STK33: variants seen among roughly 807,000 people sequenced by gnomAD.
STK33 encodes serine/threonine-protein kinase 33.
STK33 carries 52 observed loss-of-function variants against 58.0 expected under a neutral mutation model. The observed-to-expected ratio is 0.90, with a 90% CI of 0.72 to 1.13. The LOEUF is 1.13. Ranked by LOEUF, STK33 falls within the 50% of genes most tolerant of loss-of-function variation. STK33 has a pLI of 0.00. For missense variants in STK33, 630 were observed against 604.2 expected (o/e 1.04, Z -0.45); for synonymous variants, 215 against 200.1 (o/e 1.07, Z -0.63).
chr11:8,418,491 T>C (rs762587025), intron 14 of STK33, among the ~76,000 whole-genome samples: 3 of 152,226 alleles, frequency 2.0e-5, no homozygotes, highest in Non-Finnish European at 4.4e-5. Flanking sequence ...CTGTCATTTA[T>C]AGGCATTTAG....
rs552972149 is a variant in STK33, at chr11:8,490,095, G to A, written c.-465-9481C>T. On this transcript the variant is annotated intron_variant, in intron 1 of 15. Transcript: ENST00000687296. ...ACAGTGGGTGCAGCCCATGGAGGGC[G>A]AGCCGAAGCAGGGCGAGGCGTTGCC... 2.8e-4 allele frequency among the ~76,000 whole-genome samples: 43 copies of A among 152,338 alleles called. No individual in the cohort carries two copies. The South Asian group carries it at 3.1e-3, about 11-fold the overall frequency.
At chr11:8,395,624 A>G (rs1247046645) in intron 15 of STK33, among the ~76,000 whole-genome samples, 1 of 152,218 alleles carries the variant, frequency 6.6e-6, no homozygotes, top group Non-Finnish European at 1.5e-5. Flanking sequence ...TTCCATGTCA[A>G]TTCATAGAAA....
the STK33 span, among the ~76,000 whole-genome samples, chr11:8,339,338 CTTAAT>C: frequency 6.6e-6 from 1 of 152,188 alleles, no homozygotes; most frequent in South Asian, 2.1e-4. Context: ...GAAGGCGGTC[CTTAAT>C]AAACACCTTG....
intron 11 of STK33, 140 bp downstream of exon 11, chr11:8,452,682 A>C: frequency 1.5e-6 from 1 of 673,480 alleles, no homozygotes; most frequent in South Asian, 1.9e-5. Flanking sequence ...TAGCTACTTG[A>C]GAGGCTGAGG....
chr11:8,384,017 T>C, the STK33 span, among the ~76,000 whole-genome samples: 1 of 152,210 alleles, frequency 6.6e-6, no homozygotes, highest in Non-Finnish European at 1.5e-5. Flanking sequence ...GATAGAGATC[T>C]CAAACTTCAT....
the STK33 span, among the ~76,000 whole-genome samples, chr11:8,347,495 TC>T: frequency 6.6e-6 from 1 of 152,322 alleles, no homozygotes; most frequent in East Asian, 1.9e-4. Context: ...TGGGCTCTGT[TC>T]CCTATCAACA....
the STK33 span, among the ~76,000 whole-genome samples, chr11:8,351,208 C>T: frequency 4.6e-5 from 7 of 152,316 alleles, no homozygotes; most frequent in Admixed American, 4.6e-4. Context: ...TCTACTAAAT[C>T]CAGCTGGAAG....
chr11:8,394,888 T>C (rs989386225), intron 15 of STK33, among the ~76,000 whole-genome samples: 9 of 152,198 alleles, frequency 5.9e-5, no homozygotes, highest in Admixed American at 3.9e-4. Flanking sequence ...GTTATTTATT[T>C]CTTAAATAGA....
intron 14 of STK33, among the ~76,000 whole-genome samples, chr11:8,433,620 C>T (rs560470218): frequency 3.9e-5 from 6 of 152,258 alleles, no homozygotes; most frequent in South Asian, 2.1e-4. Flanking sequence ...ATTCACCATC[C>T]GTGTCCCAGA....
chr11:8,479,247 T>C (rs1198563198), intron 2 of STK33, among the ~76,000 whole-genome samples: 2 of 151,936 alleles, frequency 1.3e-5, no homozygotes, highest in East Asian at 1.9e-4. Flanking sequence ...CCTGGGGTTT[T>C]AGTAGAGAAA....
intron 11 of STK33, 124 bp downstream of exon 11, chr11:8,452,698 G>A: frequency 9.5e-6 from 7 of 739,456 alleles, no homozygotes; most frequent in Admixed American, 2.1e-5. Context: ...TGAGGTGGGG[G>A]GATGGCTTGA....
the STK33 span, among the ~76,000 whole-genome samples, chr11:8,370,521 C>A: frequency 1.3e-5 from 2 of 152,160 alleles, no homozygotes; most frequent in African/African-American, 4.8e-5. Context: ...TTCTCCAACT[C>A]CCTGGTGCTT....
chr11:8,373,282 C>T, the STK33 span, among the ~76,000 whole-genome samples: 1 of 152,176 alleles, frequency 6.6e-6, no homozygotes, highest in African/African-American at 2.4e-5. Context: ...AAGGCCAGCC[C>T]AGACTCAAGG....
chr11:8,441,844 A>C (rs1564978868), intron 11 of STK33, among the ~76,000 whole-genome samples: 1 of 152,218 alleles, frequency 6.6e-6, no homozygotes, highest in Non-Finnish European at 1.5e-5. Flanking sequence ...ATTTGTATGA[A>C]GTATGTTAAG....
chr11:8,507,991 A>C (rs1951999502), intron 1 of STK33, among the ~76,000 whole-genome samples: 1 of 152,070 alleles, frequency 6.6e-6, no homozygotes, highest in Non-Finnish European at 1.5e-5. Flanking sequence ...CCCAGGTTCA[A>C]GCGATTCTTC....
chr11:8,474,763 A>G lies in STK33; in HGVS notation c.143T>C (p.Ile48Thr). The change falls in exon 5 of 16, where the codon ATT (isoleucine) becomes ACT (threonine). Residue 48 changes from isoleucine to threonine, a missense_variant. By Grantham distance (89) the Ile-to-Thr change is moderately conservative (BLOSUM62 -1). Coordinates refer to ENST00000687296, the MANE Select transcript of STK33 (RefSeq NM_001352389.2). ...LVVEMSQTSS[I>T]GSAESLISLE... The stretch of plus-strand genomic sequence containing the variant: ...TGAAATTAAAGATTCTGCACTACCA[A>G]TGCTTGATGTCTGTGACATTTCCAC... 1 of 1,613,470 alleles carries G rather than the reference A, an allele frequency of 6.2e-7. No homozygotes were observed. Among genetic ancestry groups the G allele is most frequent in the South Asian group, 1.1e-5 (1 of 90,886 alleles).
intron 1 of STK33, among the ~76,000 whole-genome samples, chr11:8,490,580 G>C (rs1032694225): frequency 2.0e-5 from 3 of 152,314 alleles, no homozygotes; most frequent in Non-Finnish European, 4.4e-5. Context: ...CTCCCAGCAT[G>C]GTGTTTGAGC....
chr11:8,580,251 G>A (rs2141321201), intron 1 of STK33, among the ~76,000 whole-genome samples: 1 of 152,276 alleles, frequency 6.6e-6, no homozygotes, highest in South Asian at 2.1e-4. Flanking sequence ...TAAAGAAAAT[G>A]TGGTACATAT....
rs551533179 is a variant in STK33 at position 8,440,772 on chromosome 11, T to C, written c.872-19A>G. On this transcript the variant is annotated intron_variant, in intron 11 of 15. Coordinates refer to ENST00000687296, the MANE Select transcript of STK33 (RefSeq NM_001352389.2). ...TCAGGGGCTGCCAAACAAGCAGATA[T>C]AAAATAACATTAATAATACAATAAA... The C allele has an allele frequency of 1.9e-5, 29 of 1,547,742 alleles. No homozygotes were observed. The East Asian group carries it at 6.5e-4, about 35-fold the overall frequency.
Sources: gnomAD v4.1 joint callset for allele counts (sites outside exome capture counted in the v4.1 genomes callset) on GRCh38, gnomAD v4.1.1 for gene constraint, MANE v1.5 for transcripts, NCBI Gene and HGNC (gene_info 2026-07-23, HGNC 2026-07-21) for gene names.